GABRG3: variants seen among roughly 807,000 people sequenced by gnomAD.
The protein encoded by GABRG3 is gamma-aminobutyric acid receptor subunit gamma-3.
A neutral mutation model predicts 48.8 loss-of-function variants in GABRG3; 25 were observed. The observed-to-expected ratio is 0.51, with a 90% CI of 0.37 to 0.72. The LOEUF (loss-of-function observed/expected upper bound fraction) is 0.72, where lower values mean the gene tolerates loss of function less well. Ranked by LOEUF, GABRG3 falls within the 30% of genes least tolerant of loss-of-function variation. The probability of loss-of-function intolerance (pLI) is 0.00; values close to 1 mark genes in which losing one functional copy is unlikely to be tolerated. For synonymous variants in GABRG3, 227 were observed against 217.6 expected, an observed-to-expected ratio of 1.04 and a Z score of -0.38; for missense variants, 394 against 577.9, an observed-to-expected ratio of 0.68 and a Z score of 3.26.
At chr15:27,029,652 G>A (rs1028978099) in intron 3 of GABRG3, among the ~76,000 whole-genome samples, 8 of 152,188 alleles carry the variant, frequency 5.3e-5, no homozygotes, top group Non-Finnish European at 7.3e-5. Flanking sequence ...TCCGACTAGT[G>A]TGAGGCATTG....
At chr15:27,297,766 AAAT>A (rs1457650639) in intron 3 of GABRG3, among the ~76,000 whole-genome samples, 1 of 152,188 alleles carries the variant, frequency 6.6e-6, no homozygotes, top group Non-Finnish European at 1.5e-5. Flanking sequence ...AGATTATATA[AAAT>A]AATAATTGTA....
chr15:27,026,465 A>G (rs576783299), intron 2 of GABRG3, among the ~76,000 whole-genome samples: 4 of 152,352 alleles, frequency 2.6e-5, no homozygotes, highest in Admixed American at 1.3e-4. Flanking sequence ...ACGTTACGGT[A>G]TATCTTTATA....
intron 3 of GABRG3, among the ~76,000 whole-genome samples, chr15:27,146,168 T>C (rs965700437): frequency 3.0e-4 from 46 of 152,076 alleles, no homozygotes; most frequent in African/African-American, 1.1e-3. Flanking sequence ...CGTTAAGAAA[T>C]AACCTGCCAG....
At chr15:27,060,706 A>G (rs950887311) in intron 3 of GABRG3, among the ~76,000 whole-genome samples, 1 of 152,208 alleles carries the variant, frequency 6.6e-6, no homozygotes, top group African/African-American at 2.4e-5. Context: ...ACAGAGACCA[A>G]GCTGTAGGGT....
chr15:27,095,987 C>T (rs1446474453), intron 3 of GABRG3, among the ~76,000 whole-genome samples: 3 of 152,194 alleles, frequency 2.0e-5, no homozygotes, highest in African/African-American at 7.2e-5. Flanking sequence ...CCTGGATTAT[C>T]GCATCTCATC....
chr15:27,501,198 A>G (rs534833826), intron 6 of GABRG3, among the ~76,000 whole-genome samples: 61 of 152,182 alleles, frequency 4.0e-4, no homozygotes, highest in Non-Finnish European at 5.9e-4. Context: ...TGATCTGCCC[A>G]CCTTGGCCTC....
chr15:27,078,323 ATC>A (rs1566928889), intron 3 of GABRG3, among the ~76,000 whole-genome samples: 1 of 152,174 alleles, frequency 6.6e-6, no homozygotes, highest in East Asian at 1.9e-4. Flanking sequence ...CTTCCAATAA[ATC>A]TCTCTTTCTC....
chr15:27,466,950 A>G (rs1211289438), intron 5 of GABRG3, among the ~76,000 whole-genome samples: 1 of 152,242 alleles, frequency 6.6e-6, no homozygotes, highest in African/African-American at 2.4e-5. Context: ...GCAGCACAAT[A>G]AACACTACAG....
intron 3 of GABRG3, among the ~76,000 whole-genome samples, chr15:27,124,610 G>T (rs1368152944): frequency 1.3e-5 from 2 of 152,204 alleles, no homozygotes; most frequent in Admixed American, 1.3e-4. Flanking sequence ...ACGGCTTCCT[G>T]GTAATGCCTC....
chr15:27,363,053 C>T (rs553417109), intron 5 of GABRG3: 1 of 152,138 alleles, frequency 6.6e-6, no homozygotes, highest in African/African-American at 2.4e-5. Flanking sequence ...GTACATAATT[C>T]ATTACAATTT....
chr15:27,267,461 A>G (rs1890957565), intron 3 of GABRG3, among the ~76,000 whole-genome samples: 1 of 146,556 alleles, frequency 6.8e-6, no homozygotes, highest in African/African-American at 2.5e-5. Flanking sequence ...TTTCTTTGAG[A>G]CTGTGTCTTG....
At chr15:27,315,860 C>G (rs1445018353) in intron 3 of GABRG3, among the ~76,000 whole-genome samples, 1 of 152,122 alleles carries the variant, frequency 6.6e-6, no homozygotes, top group Non-Finnish European at 1.5e-5. Context: ...TTTTGATGTT[C>G]ATTTCTCCTT....
chr15:27,465,094 T>G (rs1329978963), intron 5 of GABRG3, among the ~76,000 whole-genome samples: 1 of 152,312 alleles, frequency 6.6e-6, no homozygotes, highest in South Asian at 2.1e-4. Flanking sequence ...CGTGAATGTT[T>G]CCCCAGCCTG....
chr15:27,296,822 C>CT (rs1439273395), intron 3 of GABRG3, among the ~76,000 whole-genome samples: 2 of 149,110 alleles, frequency 1.3e-5, no homozygotes, highest in South Asian at 2.2e-4. Context: ...TACTTTTTAT[C>CT]TTTTTTGTAA....
At chr15:27,211,675 A>G (rs1262355476) in intron 3 of GABRG3, among the ~76,000 whole-genome samples, 5 of 152,094 alleles carry the variant, frequency 3.3e-5, no homozygotes, top group Admixed American at 6.5e-5. Context: ...AACCACCCCT[A>G]AGCATTCTGT....
chr15:27,295,411 G>A (rs1289920706), intron 3 of GABRG3, among the ~76,000 whole-genome samples: 1 of 152,096 alleles, frequency 6.6e-6, no homozygotes, highest in East Asian at 1.9e-4. Flanking sequence ...CACGGGCTGG[G>A]CTTCTGCTTC....
chr15:26,983,251 C>G (rs1895087602), intron 2 of GABRG3, among the ~76,000 whole-genome samples: 1 of 151,444 alleles, frequency 6.6e-6, no homozygotes, highest in Non-Finnish European at 1.5e-5. Flanking sequence ...ACATAATGTG[C>G]TGTACATGGA....
intron 3 of GABRG3, among the ~76,000 whole-genome samples, chr15:27,308,337 C>G (rs1892802716): frequency 7.6e-6 from 1 of 131,264 alleles, no homozygotes; most frequent in South Asian, 2.3e-4. Context: ...TATATATAAA[C>G]ATAATATAAA....
intron 6 of GABRG3, among the ~76,000 whole-genome samples, chr15:27,498,634 G>C (rs374196698): frequency 6.6e-6 from 1 of 151,972 alleles, no homozygotes; most frequent in Non-Finnish European, 1.5e-5. Flanking sequence ...GGGACTACAG[G>C]TGCACGCCAC....
Sources: allele counts gnomAD v4.1 joint callset (sites outside exome capture counted in the v4.1 genomes callset), GRCh38; gene constraint gnomAD v4.1.1; transcripts MANE v1.5; gene names NCBI Gene and HGNC (gene_info 2026-07-23, HGNC 2026-07-21).